The following PLEC variants were observed in gnomAD, a reference collection of about 807,000 sequenced individuals.
The protein encoded by PLEC is plectin.
A neutral mutation model predicts 392.8 loss-of-function variants in PLEC; 216 were observed. The ratio of observed to expected loss-of-function variants is 0.55; its 90% CI spans 0.49 to 0.62. The LOEUF (loss-of-function observed/expected upper bound fraction) is 0.62. Among genes scored for constraint, PLEC ranks in the 20% least tolerant of loss-of-function variants. PLEC has a pLI of 0.00. For missense variants in PLEC, 6,863 were observed against 6,563.4 expected (o/e 1.05, Z -1.58); for synonymous variants, 3,621 against 2,980.6 (o/e 1.21, Z -7.00).
At position 143,926,972 on chromosome 8, in the gene PLEC, C is replaced by T. The variant is rs1825422854; in HGVS notation, c.3945+5G>A. The T allele has an allele frequency of 1.2e-6, 2 of 1,612,344 alleles. No individual in the cohort carries two copies. The highest frequency in any genetic ancestry group is 2.2e-5 in the South Asian group (2 of 91,062). Reference sequence around the variant, plus strand: ...CTCACCCAGTTAGGTTCGGCCCCACCCTACCTCCTGGATGACACTCTCTGA... The same window carrying T: ...CTCACCCAGTTAGGTTCGGCCCCACTCTACCTCCTGGATGACACTCTCTGA... On this transcript the variant is annotated splice_donor_5th_base_variant and intron_variant, in intron 29 of 31. Coordinates refer to ENST00000345136, the MANE Select transcript of PLEC (RefSeq NM_201384.3).
Position 143,924,227 on chromosome 8 carries a change from G to A in PLEC, c.5702C>T (p.Ala1901Val), listed in dbSNP as rs1824052327. Residue 1901 changes from alanine to valine, a missense_variant, in exon 31 of 32, where the codon GCA becomes GTA. Ala to Val is a moderately conservative substitution (Grantham distance 64). Transcript: ENST00000345136. Reference sequence around the variant, plus strand: ...CTGCCGCTCCAGCTCGCTGTCCGATGCCTTGCGCAGCTGGGCCAGGCGCTC... The same window carrying A: ...CTGCCGCTCCAGCTCGCTGTCCGATACCTTGCGCAGCTGGGCCAGGCGCTC... ...IEERLAQLRK[A>V]SDSELERQKG... The A allele has an allele frequency of 1.9e-6, 3 of 1,598,472 alleles. No individual in the cohort carries two copies. The highest frequency in any genetic ancestry group is 2.5e-6 in the Non-Finnish European group (3 of 1,179,418).
chr8:143,929,317 G>A lies in PLEC; in HGVS notation c.3082-36C>T, dbSNP rs781830242. On this transcript the variant is annotated intron_variant, in intron 24 of 31. Transcript: ENST00000345136. ...AGGGAGTGGGAACGCACTCATCACCGAGCGCAGCACACAGCGCCCCTTGAA... is the reference window on the plus strand; with the variant it reads ...AGGGAGTGGGAACGCACTCATCACCAAGCGCAGCACACAGCGCCCCTTGAA... The A allele has an allele frequency of 9.0e-5, 144 of 1,594,894 alleles. 1 individual carries two copies. Among genetic ancestry groups the A allele is most frequent in the Admixed American group, 6.4e-4 (38 of 59,136 alleles).
chr8:143,950,446 G>A (rs1468534538), exon 1 of PLEC: 1 of 1,604,232 alleles, frequency 6.2e-7, no homozygotes, highest in African/African-American at 1.3e-5. Context: ...CTGGCGGCAG[G>A]TGCAGGTACT....
rs782776608 is a variant in PLEC at position 143,924,170 on chromosome 8, C to T, written c.5759G>A (p.Arg1920Gln). The change falls in exon 31 of 32, where the codon CGG becomes CAG. Residue 1920 changes from arginine (R) to glutamine (Q), a missense_variant. Transcript: ENST00000345136. ...CAGGATCTCCTCCTCCACCTGCCGC[C>T]GCTGCCTCAGCGTGTCCTCCACCAG... The part of the protein sequence containing the change: ...KGLVEDTLRQ[R>Q]RQVEEEILAL... 2.0e-5 allele frequency: 32 copies of T among 1,598,896 alleles called. No individual in the cohort carries two copies. Among genetic ancestry groups the T allele is most frequent in the South Asian group, 3.3e-5 (3 of 91,078 alleles).
At chr8:143,948,844 C>G (rs986510959) in intron 1 of PLEC, among the ~76,000 whole-genome samples, 4 of 152,236 alleles carry the variant, frequency 2.6e-5, no homozygotes, top group Non-Finnish European at 5.9e-5. Context: ...TGCCAAATGA[C>G]CGGGGAGTGG....
Position 143,924,674 on chromosome 8 carries a change from T to G in PLEC, c.5255A>C (p.Glu1752Ala), listed in dbSNP as rs537988008. The change falls in exon 31 of 32, where the codon GAG becomes GCG. Residue 1752 changes from glutamate (E) to alanine (A), a missense_variant. Glu to Ala is a moderately radical substitution (Grantham distance 107, BLOSUM62 -1). Transcript: ENST00000345136. Reference sequence around the variant, plus strand: ...CACCTTGGCCAGCTCGGCTTCCAGCTCCTGCCGTTTCTGCGTGGCTGCAGC... The same window carrying G: ...CACCTTGGCCAGCTCGGCTTCCAGCGCCTGCCGTTTCTGCGTGGCTGCAGC... ...EAAAATQKRQ[E>A]LEAELAKVRA... The G allele has an allele frequency of 1.3e-6, 2 of 1,534,448 alleles. No homozygotes were observed. Among genetic ancestry groups the G allele is most frequent in the African/African-American group, 2.7e-5 (2 of 72,748 alleles).
Position 143,923,224 on chromosome 8 carries a change from C to T in PLEC, c.6705G>A (p.Val2235=). ...QVEEELFSVR[V]QMEELSKLKA... ...TGAGCTTGCTCAGCTCCTCCATCTG[C>T]ACGCGCACCGAGAAGAGCTCCTCCT... is the stretch of plus-strand genomic sequence containing the variant. Residue 2235 remains valine, a synonymous_variant, in exon 31 of 32, where the codon GTG becomes GTA. Coordinates refer to ENST00000345136, the MANE Select transcript of PLEC (RefSeq NM_201384.3). 1 of 1,603,404 alleles carries T rather than the reference C, an allele frequency of 6.2e-7. No individual in the cohort carries two copies. Among genetic ancestry groups the T allele is most frequent in the Non-Finnish European group, 8.5e-7 (1 of 1,179,898 alleles).
In PLEC at chr8:143,919,771, C is replaced by T. The variant is rs782231157; in HGVS notation, c.10050G>A (p.Leu3350=). The change falls in exon 32 of 32, where the codon CTG becomes CTA. Residue 3350 remains leucine, a synonymous_variant. Transcript: ENST00000345136. ...DLSELGSVRT[L]LQGSGCLAGI... ...CGGCGAGGCAGCCACTGCCCTGCAG[C>T]AGCGTCCGCACGGAGCCCAGCTCCG... 20 of 1,611,508 alleles carry T rather than the reference C, an allele frequency of 1.2e-5. No individual in the cohort carries two copies. The highest frequency in any genetic ancestry group is 1.7e-5 in the Non-Finnish European group (20 of 1,178,970).
In PLEC at chr8:143,935,909, C is replaced by T. The variant is rs1471873799; in HGVS notation, c.541G>A (p.Asp181Asn). Residue 181 changes from aspartate to asparagine, a missense_variant, in exon 6 of 32, where the codon GAC becomes AAC. Asp to Asn is a conservative substitution (Grantham distance 23, BLOSUM62 1). Transcript: ENST00000345136. ...MVEGYQGLRCDNFTSSWRDGR... is the reference protein window; with the variant it reads ...MVEGYQGLRCNNFTSSWRDGR... ...TCTCTCCAGCTGGAGGTGAAGTTGT[C>T]GCATCGCAGGCCCTGGTACCCCTCC... is the stretch of plus-strand genomic sequence containing the variant. The T allele has an allele frequency of 8.1e-6, 13 of 1,612,850 alleles. No homozygotes were observed. Among genetic ancestry groups the T allele is most frequent in the African/African-American group, 8.0e-5 (6 of 74,936 alleles).
upstream of PLEC, chr8:143,939,612 C>T: frequency 6.8e-7 from 1 of 1,474,940 alleles, no homozygotes; most frequent in Non-Finnish European, 9.0e-7. Context: ...GGTGCGGCCA[C>T]TCCCTGCCTG....
Position 143,936,988 on chromosome 8 carries a change from C to A in PLEC, c.426G>T (p.Leu142=). 6.2e-7 allele frequency: 1 copy of A among 1,611,654 alleles called. No individual in the cohort carries two copies. The highest frequency in any genetic ancestry group is 8.5e-7 in the Non-Finnish European group (1 of 1,178,642). The change falls in exon 5 of 32, where the codon CTG becomes CTT. Residue 142 remains leucine, a synonymous_variant. Transcript: ENST00000345136. The part of the protein sequence containing the change: ...LTLGLIWTII[L]HFQISDIQVS... The stretch of plus-strand genomic sequence containing the variant: ...GGGGCAGCCGTTCTACCTGGAAGTG[C>A]AGAATGATTGTCCAGATGAGGCCAA...
Position 143,927,766 on chromosome 8 carries a change from T to C in PLEC, c.3400A>G (p.Lys1134Glu). 3.1e-6 allele frequency: 5 copies of C among 1,601,080 alleles called. No homozygotes were observed. Among genetic ancestry groups the C allele is most frequent in the Non-Finnish European group, 4.3e-6 (5 of 1,174,270 alleles). The change falls in exon 27 of 32, where the codon AAG becomes GAG. Residue 1134 changes from lysine to glutamate, a missense_variant and splice_region_variant. Physicochemically the swap from Lys to Glu is moderately conservative, Grantham distance 56. Coordinates refer to ENST00000345136, the MANE Select transcript of PLEC (RefSeq NM_201384.3). ...ELEATKASLK[K>E]LRAQAEAQQP... ...TGTGCCTCGGCCTGGGCCCGCAGCTTCTGTTGGGGACAGGAGGGACATGTG... is the reference window on the plus strand; with the variant it reads ...TGTGCCTCGGCCTGGGCCCGCAGCTCCTGTTGGGGACAGGAGGGACATGTG...
At position 143,924,550 on chromosome 8, in the gene PLEC, G is replaced by T; in HGVS notation, c.5379C>A (p.Ala1793=). ...CCTCGGCCAGCTCGCGGAACCGGCC[G>T]GCCTCGGCCTCCAGCCTCTGCTTGG... The part of the protein sequence containing the change: ...EKSKQRLEAE[A]GRFRELAEEA... The change falls in exon 31 of 32, where the codon GCC becomes GCA. Residue 1793 remains alanine, a synonymous_variant. Coordinates refer to ENST00000345136, the MANE Select transcript of PLEC (RefSeq NM_201384.3). 1 of 1,542,002 alleles carries T rather than the reference G, an allele frequency of 6.5e-7. No individual in the cohort carries two copies. The highest frequency in any genetic ancestry group is 8.7e-7 in the Non-Finnish European group (1 of 1,150,824).
chr8:143,943,701 C>T (rs1313243872), upstream of PLEC: 17 of 1,330,670 alleles, frequency 1.3e-5, no homozygotes, highest in Non-Finnish European at 1.6e-5. Flanking sequence ...AAGGGGAGGG[C>T]GCAGGGAATG....
At chr8:143,965,449 C>A (rs768777924) in intron 1 of PLEC, among the ~76,000 whole-genome samples, 1 of 152,250 alleles carries the variant, frequency 6.6e-6, no homozygotes, top group Non-Finnish European at 1.5e-5. Flanking sequence ...ACAGATGACC[C>A]GGCCCATGCC....
At chr8:143,951,078 C>G (rs560914419), upstream of PLEC, among the ~76,000 whole-genome samples, 9 of 152,334 alleles carry the variant, frequency 5.9e-5, no homozygotes, top group African/African-American at 2.2e-4. Context: ...CCTTTCCCCC[C>G]ACCAGGCCCC....
upstream of PLEC, among the ~76,000 whole-genome samples, chr8:143,952,061 T>C (rs1431693001): frequency 1.4e-5 from 2 of 146,832 alleles, no homozygotes; most frequent in African/African-American, 5.1e-5. Flanking sequence ...TGGGGGGGAG[T>C]GGGAGAGAGG....
intron 25 of PLEC, among the ~76,000 whole-genome samples, chr8:143,928,207 C>G (rs1825930949): frequency 6.6e-6 from 1 of 152,242 alleles, no homozygotes; most frequent in South Asian, 2.1e-4. Flanking sequence ...ACACTCAGGA[C>G]CCAGCCTGGA....
intron 1 of PLEC, 99 bp downstream of exon 1, chr8:143,939,251 C>A: frequency 1.4e-6 from 2 of 1,478,682 alleles, no homozygotes; most frequent in South Asian, 1.2e-5. Flanking sequence ...CAAGACCAGC[C>A]CCCCAGCGGT....
Sources: gnomAD v4.1 joint callset for allele counts (sites outside exome capture counted in the v4.1 genomes callset) on GRCh38, gnomAD v4.1.1 for gene constraint, MANE v1.5 for transcripts, NCBI Gene and HGNC (gene_info 2026-07-23, HGNC 2026-07-21) for gene names.